EPRS1: variants seen among roughly 807,000 people sequenced by gnomAD.
EPRS1 encodes bifunctional glutamate/proline--tRNA ligase.
A neutral mutation model predicts 188.3 loss-of-function variants in EPRS1; 107 were observed. That is an observed-to-expected ratio of 0.57 (90% confidence interval 0.49 to 0.67). The LOEUF (loss-of-function observed/expected upper bound fraction) is 0.67. EPRS1 is among the 30% of genes least tolerant of loss of function. EPRS1 has a pLI of 0.00. For missense variants in EPRS1, 1,577 were observed against 1,802.2 expected, an observed-to-expected ratio of 0.88 and a Z score of 2.26; for synonymous variants, 596 against 593.1, an observed-to-expected ratio of 1.00 and a Z score of -0.07.
rs1223204869 is a variant in EPRS1 at position 219,982,763 on chromosome 1, T to C, written c.3373+9A>G. ...GAGCATTCTCTTGCACTCCAATGCCTATTCTCACCTGTTTCACTAGTAGGA... is the reference window on the plus strand; with the variant it reads ...GAGCATTCTCTTGCACTCCAATGCCCATTCTCACCTGTTTCACTAGTAGGA... On this transcript the variant is annotated intron_variant, in intron 23 of 31. Transcript: ENST00000366923. 6.2e-7 allele frequency: 1 copy of C among 1,612,432 alleles called. No homozygotes were observed. The highest frequency in any genetic ancestry group is 8.5e-7 in the Non-Finnish European group (1 of 1,178,626).
rs772958189 is a variant in EPRS1 at position 219,982,816 on chromosome 1, G to A, written c.3329C>T (p.Thr1110Ile). The A allele has an allele frequency of 9.9e-6, 16 of 1,613,886 alleles. No homozygotes were observed. The highest frequency in any genetic ancestry group is 1.3e-5 in the African/African-American group (1 of 74,910). The change falls in exon 23 of 32, where the codon ACC (threonine) becomes ATC (isoleucine). Residue 1110 changes from threonine (T) to isoleucine (I), a missense_variant. Physicochemically the swap from Thr to Ile is moderately conservative, Grantham distance 89 (BLOSUM62 -1). Transcript: ENST00000366923. ...EVAWVTRSGK[T>I]ELAEPIAIRP... Reference sequence around the variant, plus strand: ...AATGGCAATTGGTTCTGCCAGCTCGGTTTTGCCAGATCTTGTAACCCAAGC... The same window carrying A: ...AATGGCAATTGGTTCTGCCAGCTCGATTTTGCCAGATCTTGTAACCCAAGC...
intron 16 of EPRS1, among the ~76,000 whole-genome samples, chr1:220,001,497 T>C (rs113930707): frequency 0.036 from 5,545 of 152,192 alleles, 306 homozygotes; most frequent in African/African-American, 0.12. Context: ...TGTAAGTAGC[T>C]GGGATTACCA....
At chr1:220,032,236 G>A (rs887349305) in intron 5 of EPRS1, 151 bp downstream of exon 5, 127 of 529,316 alleles carry the variant, frequency 2.4e-4, no homozygotes, top group Admixed American at 2.1e-4. Flanking sequence ...CATCACGCCC[G>A]GCTAATTTTT....
At position 219,978,551 on chromosome 1, in the gene EPRS1, G is replaced by A. The variant is rs755758228; in HGVS notation, c.4078C>T (p.Leu1360Phe). Residue 1360 changes from leucine to phenylalanine, a missense_variant, in exon 28 of 32, where the codon CTC becomes TTC. Coordinates refer to ENST00000366923, the MANE Select transcript of EPRS1 (RefSeq NM_004446.3). ...SPGWKFNHWE[L>F]KGVPIRLEVG... is the part of the protein sequence containing the mutation. Reference sequence around the variant, plus strand: ...GATAAAGCTTAGGAATTTACCTTGAGCTCCCAGTGATTGAATTTCCAACCT... The same window carrying A: ...GATAAAGCTTAGGAATTTACCTTGAACTCCCAGTGATTGAATTTCCAACCT... 1 of 1,567,520 alleles carries A rather than the reference G, an allele frequency of 6.4e-7. No homozygotes were observed. Among genetic ancestry groups the A allele is most frequent in the East Asian group, 2.4e-5 (1 of 42,134 alleles).
intron 2 of EPRS1, among the ~76,000 whole-genome samples, chr1:220,039,834 T>C (rs920067495): frequency 5.9e-5 from 9 of 152,328 alleles, no homozygotes; most frequent in African/African-American, 2.2e-4. Flanking sequence ...AATATTTCTT[T>C]AAATGCCATT....
intron 12 of EPRS1, among the ~76,000 whole-genome samples, chr1:220,016,392 G>A (rs1661712893): frequency 1.5e-5 from 2 of 132,504 alleles, no homozygotes; most frequent in Non-Finnish European, 1.5e-5. Flanking sequence ...GTGGGGAGAG[G>A]AAAAAAAAAA....
chr1:220,033,421 A>C, intron 4 of EPRS1, 81 bp downstream of exon 4: 1 of 1,015,560 alleles, frequency 9.8e-7, no homozygotes, highest in South Asian at 1.6e-5. Flanking sequence ...ACATACATGC[A>C]TACACACAGA....
At chr1:219,986,071 C>T (rs1011195931) in intron 20 of EPRS1, among the ~76,000 whole-genome samples, 2 of 152,192 alleles carry the variant, frequency 1.3e-5, no homozygotes, top group African/African-American at 4.8e-5. Context: ...CTGTTGCATT[C>T]TCTTGTTTAA....
chr1:220,032,643 G>T, intron 4 of EPRS1, 117 bp from the exon 5 acceptor site: 2 of 943,682 alleles, frequency 2.1e-6, no homozygotes, highest in Non-Finnish European at 3.3e-6. Flanking sequence ...TAAAGAAAAT[G>T]AAATGTTAAA....
chr1:220,039,138 C>T (rs1027405119), intron 2 of EPRS1, among the ~76,000 whole-genome samples: 10 of 152,290 alleles, frequency 6.6e-5, no homozygotes, highest in African/African-American at 1.2e-4. Flanking sequence ...CATGTCAAAG[C>T]GCCAGTCTTT....
chr1:219,973,532 A>AG (rs1491494523), intron 28 of EPRS1, 134 bp from the exon 29 acceptor site: 1 of 135,284 alleles, frequency 7.4e-6, no homozygotes, highest in Non-Finnish European at 1.1e-5. Context: ...AAAACAAGAG[A>AG]AAAAAAAAAA....
Position 220,018,984 on chromosome 1 carries a change from CTG to C in EPRS1, c.1434+9_1434+10del. On this transcript the variant is annotated intron_variant, in intron 11 of 31. Transcript: ENST00000366923. ...TCAAACAGACAAGCTGGAAAAGAAA[CTG>C]TAACGCACCTGAGCAGCAATAAACT... 7 of 1,589,884 alleles carry C rather than the reference CTG, an allele frequency of 4.4e-6. No homozygotes were observed. The highest frequency in any genetic ancestry group is 6.0e-6 in the Non-Finnish European group (7 of 1,158,880).
intron 18 of EPRS1, among the ~76,000 whole-genome samples, chr1:219,991,547 T>C (rs1421960435): frequency 1.3e-5 from 2 of 152,174 alleles, no homozygotes; most frequent in South Asian, 2.1e-4. Flanking sequence ...GCTTGTATTA[T>C]ATTTTTTAAA....
intron 12 of EPRS1, among the ~76,000 whole-genome samples, chr1:220,016,606 A>G (rs111644189): frequency 0.071 from 4,481 of 62,842 alleles, 264 homozygotes; most frequent in African/African-American, 0.2. Flanking sequence ...TTTTGGAGAG[A>G]TGGGGTATCA....
intron 1 of EPRS1, among the ~76,000 whole-genome samples, chr1:220,044,371 G>A (rs1325338356): frequency 1.3e-5 from 2 of 152,104 alleles, no homozygotes; most frequent in African/African-American, 4.8e-5. Flanking sequence ...GCAGAATTCT[G>A]AGTTCTGTAA....
At chr1:219,977,340 T>C (rs1379198598) in intron 28 of EPRS1, among the ~76,000 whole-genome samples, 4 of 152,042 alleles carry the variant, frequency 2.6e-5, no homozygotes, top group Admixed American at 2.6e-4. Flanking sequence ...ATACTAAGAA[T>C]ACCTCCCCAG....
Position 219,979,337 on chromosome 1 carries a change from A to G in EPRS1, c.3909+81T>C, listed in dbSNP as rs549462500. 8 of 1,071,330 alleles carry G rather than the reference A, an allele frequency of 7.5e-6. No individual in the cohort carries two copies. The African/African-American group carries it at 1.3e-4, about 17-fold the overall frequency. The allele number at this position is 1,071,330 out of a possible 1,614,324, so 66.4% of individuals were successfully genotyped here. A position where few individuals can be genotyped will look rare whatever the true frequency, so the allele number is the denominator to read the frequency against. ...AGAAATCTGCCTGAATGATATTCAG[A>G]AAATCACCCTTTCAAATTTCCTTTA... is the stretch of plus-strand genomic sequence containing the variant. On this transcript the variant is annotated intron_variant, in intron 27 of 31. Transcript: ENST00000366923.
At chr1:220,020,864 A>G (rs1249094809) in intron 9 of EPRS1, among the ~76,000 whole-genome samples, 1 of 57,724 alleles carries the variant, frequency 1.7e-5, no homozygotes, top group East Asian at 5.4e-4. Context: ...ATATATATAT[A>G]TATATATTAG....
intron 28 of EPRS1, among the ~76,000 whole-genome samples, chr1:219,974,163 C>T (rs1234522192): frequency 6.6e-6 from 1 of 152,100 alleles, no homozygotes; most frequent in South Asian, 2.1e-4. Context: ...AGGCTGGTGT[C>T]GAACACCTGG....
Sources: gnomAD v4.1 joint callset for allele counts (sites outside exome capture counted in the v4.1 genomes callset) on GRCh38, gnomAD v4.1.1 for gene constraint, MANE v1.5 for transcripts, NCBI Gene and HGNC (gene_info 2026-07-23, HGNC 2026-07-21) for gene names.